The following ACADSB variants were observed in gnomAD, a reference collection of about 807,000 sequenced individuals.
ACADSB encodes the protein acyl-CoA dehydrogenase short/branched chain, also known as short/branched chain specific acyl-CoA dehydrogenase, mitochondrial.
Under a neutral mutation model 54.1 loss-of-function variants are expected in ACADSB, and 40 were observed. The ratio of observed to expected loss-of-function variants is 0.74; its 90% CI spans 0.57 to 0.96. The LOEUF is 0.96. ACADSB is among the 40% of genes least tolerant of loss of function. ACADSB has a pLI of 0.00. For missense variants in ACADSB, 530 were observed against 510.4 expected (o/e 1.04, Z -0.37); for synonymous variants, 182 against 182.8 (o/e 1.00, Z 0.03).
chr10:123,044,453 C>T lies in ACADSB; in HGVS notation c.868C>T (p.Leu290Phe), dbSNP rs1206442296. The change falls in exon 7 of 11, where the codon CTC becomes TTC. Residue 290 changes from leucine (L) to phenylalanine (F), a missense_variant. Leu to Phe is a conservative substitution (Grantham distance 22, BLOSUM62 0). Transcript: ENST00000358776. ...GHGYKYAIGS[L>F]NEGRIGIAAQ... ...TGGCTATAAGTATGCCATAGGGAGT[C>T]TCAATGAAGGTAGAATAGGAATTGC... is the stretch of plus-strand genomic sequence containing the variant. The T allele has an allele frequency of 6.2e-7, 1 of 1,613,696 alleles. No homozygotes were observed. Among genetic ancestry groups the T allele is most frequent in the Admixed American group, 1.7e-5 (1 of 59,998 alleles).
intron 1 of ACADSB, among the ~76,000 whole-genome samples, chr10:123,012,867 G>A (rs549577377): frequency 1.3e-5 from 2 of 152,310 alleles, no homozygotes; most frequent in South Asian, 2.1e-4. Flanking sequence ...TCGGCAGCCT[G>A]ATTGGTCTGT....
chr10:123,009,217 C>T (rs931277050), intron 1 of ACADSB, 146 bp downstream of exon 1: 7 of 927,274 alleles, frequency 7.5e-6, no homozygotes, highest in Non-Finnish European at 1.1e-5. Flanking sequence ...TACCCGCGGG[C>T]AGTCTATGAC....
chr10:123,040,355 A>G, intron 3 of ACADSB, 111 bp from the exon 4 acceptor site: 1 of 843,688 alleles, frequency 1.2e-6, no homozygotes, highest in African/African-American at 3.7e-5. Context: ...TCTCAAAAAA[A>G]AAATAATAAT....
At chr10:123,009,133 G>C in intron 1 of ACADSB, 62 bp downstream of exon 1, 1 of 1,513,772 alleles carries the variant, frequency 6.6e-7, no homozygotes, top group Non-Finnish European at 8.9e-7. Flanking sequence ...TGGAATCGCA[G>C]CTGGCAGAGC....
chr10:123,030,768 T>C (rs986920167), intron 1 of ACADSB, among the ~76,000 whole-genome samples: 3 of 41,840 alleles, frequency 7.2e-5, no homozygotes, highest in Admixed American at 2.3e-4. Flanking sequence ...TCAATTCTTT[T>C]GGGTTTCACA....
At chr10:123,032,133 C>A (rs1279750471) in intron 1 of ACADSB, among the ~76,000 whole-genome samples, 2 of 151,994 alleles carry the variant, frequency 1.3e-5, no homozygotes, top group Non-Finnish European at 2.9e-5. Context: ...TTGCCTGCCA[C>A]CGCACCTAGC....
intron 7 of ACADSB, 109 bp downstream of exon 7, chr10:123,044,594 C>G (rs555170712): frequency 3.5e-6 from 3 of 846,380 alleles, no homozygotes. Flanking sequence ...AAGATGGCAC[C>G]GTTCCCTTAC....
At chr10:123,028,498 A>C (rs1221593487) in intron 1 of ACADSB, among the ~76,000 whole-genome samples, 2 of 151,028 alleles carry the variant, frequency 1.3e-5, no homozygotes, top group African/African-American at 4.9e-5. Flanking sequence ...GACTGTCTCT[A>C]CAAAAAGTTA....
At chr10:123,019,474 GCAGAT>G (rs1850151842) in intron 1 of ACADSB, among the ~76,000 whole-genome samples, 1 of 152,234 alleles carries the variant, frequency 6.6e-6, no homozygotes, top group Non-Finnish European at 1.5e-5. Context: ...AGTTACTGGG[GCAGAT>G]AGGCCTTGCA....
intron 4 of ACADSB, 106 bp downstream of exon 4, chr10:123,040,778 A>T (rs1850463001): frequency 9.7e-7 from 1 of 1,034,896 alleles, no homozygotes; most frequent in Admixed American, 2.0e-5. Flanking sequence ...CCAAGACCAC[A>T]ATGCGGTATC....
At position 123,044,717 on chromosome 10, in the gene ACADSB, A is replaced by G. The variant is rs374008729; in HGVS notation, c.900+232A>G. Reference sequence around the variant, plus strand: ...GTAACAGTGTTTCTGCTTTGAGAACATTAAAGTATTATCTAATACCTGAAC... The same window carrying G: ...GTAACAGTGTTTCTGCTTTGAGAACGTTAAAGTATTATCTAATACCTGAAC... On this transcript the variant is annotated intron_variant, in intron 7 of 10. Coordinates refer to ENST00000358776, the MANE Select transcript of ACADSB (RefSeq NM_001609.4). Among the ~76,000 whole-genome samples the G allele has an allele frequency of 1.1e-3, 161 of 152,344 alleles. 3 individuals carry two copies. The South Asian group carries it at 0.033, about 32-fold the overall frequency.
intron 3 of ACADSB, among the ~76,000 whole-genome samples, chr10:123,039,637 G>A (rs543996245): frequency 6.6e-6 from 1 of 152,250 alleles, no homozygotes; most frequent in African/African-American, 2.4e-5. Flanking sequence ...TATTAACTTG[G>A]CTGAAAAAGT....
At chr10:123,047,168 A>G (rs1850571640) in intron 7 of ACADSB, 41 bp from the exon 8 acceptor site, 1 of 1,486,036 alleles carries the variant, frequency 6.7e-7, no homozygotes, top group African/African-American at 1.4e-5. Flanking sequence ...TAAACTTATA[A>G]CAAAATAAGA....
chr10:123,045,152 TATATATATA>T (rs1850537995), intron 7 of ACADSB, among the ~76,000 whole-genome samples: 3 of 12,000 alleles, frequency 2.5e-4, no homozygotes, highest in Non-Finnish European at 7.0e-4. Flanking sequence ...TATATATATA[TATATATATA>T]TATATATATA....
intron 3 of ACADSB, among the ~76,000 whole-genome samples, chr10:123,039,638 C>T (rs1362111810): frequency 1.3e-5 from 2 of 152,134 alleles, no homozygotes; most frequent in East Asian, 3.9e-4. Context: ...ATTAACTTGG[C>T]TGAAAAAGTC....
intron 5 of ACADSB, 122 bp from the exon 6 acceptor site, chr10:123,042,924 A>G: frequency 1.8e-6 from 2 of 1,115,608 alleles, no homozygotes; most frequent in Non-Finnish European, 2.6e-6. Context: ...CCATGTTGCA[A>G]TTCTGAGTCC....
chr10:123,053,233 G>C, intron 10 of ACADSB, 73 bp downstream of exon 10: 1 of 1,298,738 alleles, frequency 7.7e-7, no homozygotes, highest in South Asian at 1.3e-5. Flanking sequence ...TGTTTTATTT[G>C]TCGTTTTTTT....
intron 1 of ACADSB, among the ~76,000 whole-genome samples, chr10:123,017,245 T>C (rs1850119463): frequency 6.6e-6 from 1 of 152,238 alleles, no homozygotes; most frequent in African/African-American, 2.4e-5. Context: ...TGTCCACTGG[T>C]AATTTGGGAA....
At chr10:123,051,470 C>G (rs1344375740) in intron 9 of ACADSB, among the ~76,000 whole-genome samples, 1 of 152,058 alleles carries the variant, frequency 6.6e-6, no homozygotes, top group Non-Finnish European at 1.5e-5. Context: ...TCTGTGAGGT[C>G]TCCATGTTTC....
Sources: allele counts gnomAD v4.1 joint callset (sites outside exome capture counted in the v4.1 genomes callset), GRCh38; gene constraint gnomAD v4.1.1; transcripts MANE v1.5; gene names NCBI Gene and HGNC (gene_info 2026-07-23, HGNC 2026-07-21).